Variants in TMEM131 observed in about 807,000 individuals in gnomAD.
TMEM131 encodes 2610524E03Rik.
Under a neutral mutation model 211.6 loss-of-function variants are expected in TMEM131, and 66 were observed. That is an observed-to-expected ratio of 0.31 (90% CI 0.26 to 0.38). The LOEUF is 0.38. Ranked by LOEUF, TMEM131 falls within the 10% of genes least tolerant of loss-of-function variation. TMEM131 has a pLI of 1.00. For missense variants in TMEM131, 2,036 were observed against 2,299.3 expected (o/e 0.89, Z 2.34); for synonymous variants, 844 against 841.3 (o/e 1.00, Z -0.06).
chr2:97,863,456 G>C (rs1674147676), intron 4 of TMEM131, among the ~76,000 whole-genome samples: 1 of 152,118 alleles, frequency 6.6e-6, no homozygotes, highest in South Asian at 2.1e-4. Context: ...AAAGTTAAGA[G>C]ACAGCTCACA....
At chr2:97,811,048 T>G in intron 18 of TMEM131, 80 bp downstream of exon 18, 2 of 1,008,630 alleles carry the variant, frequency 2.0e-6, no homozygotes, top group Non-Finnish European at 3.1e-6. Flanking sequence ...GTAAACTTAA[T>G]TCTTTGGTTT....
chr2:97,907,409 C>T (rs759595097), intron 3 of TMEM131, among the ~76,000 whole-genome samples: 1 of 152,124 alleles, frequency 6.6e-6, no homozygotes, highest in Non-Finnish European at 1.5e-5. Flanking sequence ...AATTGTCCTC[C>T]TAATAGTCTG....
intron 7 of TMEM131, among the ~76,000 whole-genome samples, chr2:97,837,376 T>G (rs1682987332): frequency 6.6e-6 from 1 of 152,230 alleles, no homozygotes; most frequent in African/African-American, 2.4e-5. Flanking sequence ...AAAATTTAAC[T>G]TAGAAACAGT....
chr2:97,887,098 A>C (rs1022666150), intron 4 of TMEM131, among the ~76,000 whole-genome samples: 2 of 152,046 alleles, frequency 1.3e-5, no homozygotes, highest in African/African-American at 2.4e-5. Context: ...GGGTGCAGAC[A>C]CATGGGTGTT....
chr2:97,796,197 A>C (rs1680753079), intron 28 of TMEM131, 21 bp downstream of exon 28: 8 of 1,399,954 alleles, frequency 5.7e-6, no homozygotes, highest in Non-Finnish European at 7.7e-6. Context: ...GATTCATTAC[A>C]CCTTAAAATA....
At chr2:97,985,685 A>T (rs1031308794) in intron 1 of TMEM131, among the ~76,000 whole-genome samples, 1 of 151,816 alleles carries the variant, frequency 6.6e-6, no homozygotes, top group Non-Finnish European at 1.5e-5. Flanking sequence ...ATACATGAGA[A>T]AAAAAAATAC....
At position 97,805,645 on chromosome 2, in the gene TMEM131, A is replaced by G. The variant is rs922427933; in HGVS notation, c.2114T>C (p.Ile705Thr). 12 of 1,610,202 alleles carry G rather than the reference A, an allele frequency of 7.5e-6. No individual in the cohort carries two copies. The highest frequency in any genetic ancestry group is 1.0e-5 in the Non-Finnish European group (12 of 1,177,190). The change falls in exon 20 of 41, where the codon ATA becomes ACA. Residue 705 changes from isoleucine to threonine, a missense_variant. Transcript: ENST00000186436. ...IMNSFSQKVK[I>T]QQIRSLSEDV... ...TTCTGACAAAGATCGTATTTGCTGT[A>G]TTTTTACCTTCTGTGAGAAGGAATT...
chr2:97,865,030 T>C (rs538841119), intron 4 of TMEM131, among the ~76,000 whole-genome samples: 3 of 152,350 alleles, frequency 2.0e-5, no homozygotes, highest in Admixed American at 6.5e-5. Flanking sequence ...TGCCTAAGCA[T>C]TGTCAGTTAA....
At chr2:97,970,968 G>C (rs1679272252) in intron 1 of TMEM131, among the ~76,000 whole-genome samples, 1 of 152,140 alleles carries the variant, frequency 6.6e-6, no homozygotes, top group African/African-American at 2.4e-5. Context: ...CCTATGGTGG[G>C]GGGAGTATAA....
chr2:97,859,157 G>A, intron 5 of TMEM131, 147 bp downstream of exon 5: 6 of 804,778 alleles, frequency 7.5e-6, no homozygotes, highest in Non-Finnish European at 1.1e-5. Flanking sequence ...AAGGGTAGAA[G>A]TAATCATTCT....
intron 3 of TMEM131, among the ~76,000 whole-genome samples, chr2:97,890,908 T>C (rs1203913213): frequency 6.6e-6 from 1 of 152,222 alleles, no homozygotes; most frequent in Non-Finnish European, 1.5e-5. Context: ...CACAGAATGA[T>C]ATAGAAGAAA....
chr2:97,833,153 T>TA (rs1288518532), intron 11 of TMEM131, among the ~76,000 whole-genome samples: 1 of 152,190 alleles, frequency 6.6e-6, no homozygotes, highest in African/African-American at 2.4e-5. Flanking sequence ...GGTTCAAACT[T>TA]ACTTTGAAAA....
intron 2 of TMEM131, among the ~76,000 whole-genome samples, chr2:97,914,253 G>T (rs1282736877): frequency 1.3e-5 from 2 of 152,128 alleles, no homozygotes; most frequent in East Asian, 3.9e-4. Context: ...ACATGCAGTT[G>T]CAAGAAATAG....
intron 31 of TMEM131, among the ~76,000 whole-genome samples, chr2:97,785,673 C>A (rs1452478976): frequency 1.3e-5 from 2 of 152,170 alleles, no homozygotes; most frequent in Admixed American, 6.5e-5. Flanking sequence ...GGGCACATAT[C>A]CTAGAGAAAT....
chr2:97,949,936 A>G (rs539862858), intron 1 of TMEM131, among the ~76,000 whole-genome samples: 1 of 152,130 alleles, frequency 6.6e-6, no homozygotes, highest in Non-Finnish European at 1.5e-5. Context: ...TCTCACATCA[A>G]CTACATGAAG....
chr2:97,900,944 T>G (rs1675827554), intron 3 of TMEM131, among the ~76,000 whole-genome samples: 1 of 152,210 alleles, frequency 6.6e-6, no homozygotes, highest in Non-Finnish European at 1.5e-5. Context: ...ATCTTTGTTT[T>G]GATTAGCATT....
chr2:97,972,469 C>T (rs1343422785), intron 1 of TMEM131, among the ~76,000 whole-genome samples: 6 of 3,254 alleles, frequency 1.8e-3, no homozygotes, highest in African/African-American at 5.4e-3. Flanking sequence ...GGAGGGAAGG[C>T]GGGCGGGAGG....
intron 11 of TMEM131, among the ~76,000 whole-genome samples, chr2:97,831,146 GTCTCCTTTGCT>G (rs1466701751): frequency 5.3e-5 from 8 of 152,172 alleles, no homozygotes; most frequent in African/African-American, 1.9e-4. Context: ...ATCCCAAGTG[GTCTCCTTTGCT>G]TTCTGCCCTT....
chr2:97,991,625 G>A (rs1295726013), intron 1 of TMEM131, among the ~76,000 whole-genome samples: 1 of 152,114 alleles, frequency 6.6e-6, no homozygotes, highest in Non-Finnish European at 1.5e-5. Flanking sequence ...TGTCAGCTAG[G>A]GCACAACCAG....
Sources: gnomAD v4.1 joint callset for allele counts (sites outside exome capture counted in the v4.1 genomes callset) on GRCh38, gnomAD v4.1.1 for gene constraint, MANE v1.5 for transcripts, NCBI Gene and HGNC (gene_info 2026-07-23, HGNC 2026-07-21) for gene names.